The following CNTNAP5 variants were observed in gnomAD, a reference collection of about 807,000 sequenced individuals.
The protein encoded by CNTNAP5 is contactin associated protein family member 5.
CNTNAP5 carries 72 observed loss-of-function variants against 150.2 expected under a neutral mutation model. The ratio of observed to expected loss-of-function variants is 0.48; its 90% CI spans 0.40 to 0.58. The LOEUF (loss-of-function observed/expected upper bound fraction) is 0.58. Ranked by LOEUF, CNTNAP5 falls within the 20% of genes least tolerant of loss-of-function variation. The probability of loss-of-function intolerance (pLI) is 0.00; values close to 1 mark genes in which losing one functional copy is unlikely to be tolerated. For synonymous variants in CNTNAP5, 672 were observed against 619.8 expected (o/e 1.08, Z -1.25); for missense variants, 1,636 against 1,626.2 (o/e 1.01, Z -0.10).
At chr2:124,445,025 G>C (rs528726429) in intron 5 of CNTNAP5, among the ~76,000 whole-genome samples, 68 of 151,396 alleles carry the variant, frequency 4.5e-4, no homozygotes, top group African/African-American at 1.5e-3. Context: ...TAAACTCTAT[G>C]TCTCCTTAAT....
intron 3 of CNTNAP5, among the ~76,000 whole-genome samples, chr2:124,302,974 T>C (rs560681232): frequency 6.6e-6 from 1 of 152,320 alleles, no homozygotes; most frequent in African/African-American, 2.4e-5. Flanking sequence ...CTTTGTTTTT[T>C]GTATTCTGAC....
At chr2:124,500,943 G>A (rs1024305323) in intron 7 of CNTNAP5, among the ~76,000 whole-genome samples, 10 of 152,108 alleles carry the variant, frequency 6.6e-5, no homozygotes, top group Non-Finnish European at 8.8e-5. Flanking sequence ...AGGAGCCCAC[G>A]GTTCAACTGG....
intron 1 of CNTNAP5, among the ~76,000 whole-genome samples, chr2:124,098,948 GATA>G (rs1221384772): frequency 1.3e-5 from 2 of 152,118 alleles, no homozygotes; most frequent in African/African-American, 2.4e-5. Flanking sequence ...CAGCAATAAT[GATA>G]ATAATACTAA....
At chr2:124,636,553 T>C (rs1223448142) in intron 12 of CNTNAP5, among the ~76,000 whole-genome samples, 5 of 152,168 alleles carry the variant, frequency 3.3e-5, no homozygotes, top group Admixed American at 2.6e-4. Flanking sequence ...TACCATAATG[T>C]AAATGGTTAA....
chr2:124,344,865 C>T (rs186023019), intron 3 of CNTNAP5, among the ~76,000 whole-genome samples: 1 of 152,194 alleles, frequency 6.6e-6, no homozygotes, highest in African/African-American at 2.4e-5. Flanking sequence ...GGCAAACTGG[C>T]ATGACTGTTG....
chr2:124,156,740 C>T (rs1684557473), intron 1 of CNTNAP5, among the ~76,000 whole-genome samples: 2 of 152,160 alleles, frequency 1.3e-5, no homozygotes, highest in East Asian at 1.9e-4. Flanking sequence ...CCACCCACCT[C>T]GGCCTCCCAA....
intron 1 of CNTNAP5, among the ~76,000 whole-genome samples, chr2:124,211,443 AGT>A (rs1423840473): frequency 6.6e-6 from 1 of 152,184 alleles, no homozygotes; most frequent in Non-Finnish European, 1.5e-5. Context: ...ACACATAATT[AGT>A]AAGTTGCAGA....
intron 6 of CNTNAP5, among the ~76,000 whole-genome samples, chr2:124,472,901 C>T (rs574533613): frequency 6.6e-6 from 1 of 152,026 alleles, no homozygotes; most frequent in African/African-American, 2.4e-5. Context: ...ATCTTCCATT[C>T]ATGAAAACCA....
At chr2:124,060,996 G>A (rs1681994897) in intron 1 of CNTNAP5, among the ~76,000 whole-genome samples, 1 of 152,082 alleles carries the variant, frequency 6.6e-6, no homozygotes, top group South Asian at 2.1e-4. Flanking sequence ...GAAAGGTCTG[G>A]GGCTGCCAGT....
intron 3 of CNTNAP5, among the ~76,000 whole-genome samples, chr2:124,287,562 A>G (rs962935589): frequency 1.3e-5 from 2 of 152,144 alleles, no homozygotes; most frequent in Non-Finnish European, 2.9e-5. Context: ...GAACTGCGTA[A>G]TATTGGGAGC....
chr2:124,228,619 G>A lies in CNTNAP5; in HGVS notation c.187+6810G>A, dbSNP rs551102695. On this transcript the variant is annotated intron_variant, in intron 2 of 23. Coordinates refer to ENST00000682447, the MANE Select transcript of CNTNAP5 (RefSeq NM_001367498.1). ...CATTTTTCTGGAAAATTAAATAATT[G>A]TTAAATGGATTTGCTTCAAATTGTT... Among the ~76,000 whole-genome samples, 7 of 152,258 alleles carry A rather than the reference G, an allele frequency of 4.6e-5. No homozygotes were observed. In the East Asian group the frequency reaches 1.2e-3, roughly 25 times the overall value.
rs1208627878 is a variant in CNTNAP5, at chr2:124,221,439, G to C, written c.83-266G>C. 2.0e-5 allele frequency among the ~76,000 whole-genome samples: 3 copies of C among 152,090 alleles called. No homozygotes were observed. In the East Asian group the frequency reaches 5.8e-4, roughly 29 times the overall value. On this transcript the variant is annotated intron_variant, in intron 1 of 23. Transcript: ENST00000682447. Reference sequence around the variant, plus strand: ...ACAAATCTAGGTGACAATTCTGGCTGCGCTATTTTCTAGCATTGAGACCTT... The same window carrying C: ...ACAAATCTAGGTGACAATTCTGGCTCCGCTATTTTCTAGCATTGAGACCTT...
chr2:124,425,635 GTT>G (rs376863579), intron 4 of CNTNAP5, among the ~76,000 whole-genome samples: 28,529 of 152,042 alleles, frequency 0.19, 2,986 homozygotes, highest in East Asian at 0.5. Flanking sequence ...GCTCCTTAGA[GTT>G]CTATTCCATT....
chr2:124,326,196 T>C (rs2104674375), intron 3 of CNTNAP5, among the ~76,000 whole-genome samples: 1 of 152,322 alleles, frequency 6.6e-6, no homozygotes, highest in Middle Eastern at 3.4e-3. Context: ...ATCAAGACTG[T>C]ATCCCCAGGG....
At chr2:124,618,765 C>T (rs4848249) in intron 12 of CNTNAP5, among the ~76,000 whole-genome samples, 63,193 of 152,004 alleles carry the variant, frequency 0.42, 14,842 homozygotes, top group Non-Finnish European at 0.54. Flanking sequence ...TGACCAAAAA[C>T]GTCTGGGGAA....
intron 6 of CNTNAP5, among the ~76,000 whole-genome samples, chr2:124,450,773 G>A (rs917586682): frequency 6.6e-5 from 10 of 151,442 alleles, no homozygotes; most frequent in Non-Finnish European, 1.2e-4. Flanking sequence ...TAACATTTTT[G>A]TAATCCAAGA....
chr2:124,914,019 G>A, intron 23 of CNTNAP5, 73 bp from the exon 24 acceptor site: 1 of 1,107,240 alleles, frequency 9.0e-7, no homozygotes, highest in South Asian at 1.5e-5. Flanking sequence ...CCCCTCATCT[G>A]GAGGGAATCC....
At chr2:124,705,015 G>T (rs1466275000) in intron 13 of CNTNAP5, among the ~76,000 whole-genome samples, 1 of 150,746 alleles carries the variant, frequency 6.6e-6, no homozygotes, top group African/African-American at 2.4e-5. Flanking sequence ...CTCCCTCAGT[G>T]TCTCCTATTT....
intron 3 of CNTNAP5, among the ~76,000 whole-genome samples, chr2:124,250,336 G>C (rs1168411872): frequency 1.3e-5 from 2 of 152,062 alleles, no homozygotes; most frequent in South Asian, 2.1e-4. Context: ...GCAACAGTGC[G>C]TAAACTTTAA....
Sources: gnomAD v4.1 joint callset for allele counts (sites outside exome capture counted in the v4.1 genomes callset) on GRCh38, gnomAD v4.1.1 for gene constraint, MANE v1.5 for transcripts, NCBI Gene and HGNC (gene_info 2026-07-23, HGNC 2026-07-21) for gene names.